The following TRERF1 variants were observed in gnomAD, a reference collection of about 807,000 sequenced individuals.
TRERF1 encodes transcriptional-regulating factor 1.
Under a neutral mutation model 122.9 loss-of-function variants are expected in TRERF1, and 27 were observed. The observed-to-expected ratio is 0.22, with a 90% CI of 0.16 to 0.30. TRERF1 has a LOEUF of 0.30. Ranked by LOEUF, TRERF1 falls within the 10% of genes least tolerant of loss-of-function variation. The pLI is 1.00. For missense variants in TRERF1, 1,248 were observed against 1,560.3 expected, an observed-to-expected ratio of 0.80 and a Z score of 3.37; for synonymous variants, 636 against 641.7, an observed-to-expected ratio of 0.99 and a Z score of 0.13.
chr6:42,265,545 G>A (rs139175263), intron 6 of TRERF1, among the ~76,000 whole-genome samples: 4 of 152,238 alleles, frequency 2.6e-5, no homozygotes, highest in Admixed American at 2.0e-4. Context: ...TAGGCACATC[G>A]TAATCACACC....
At chr6:42,335,596 C>A (rs1482605413) in intron 3 of TRERF1, among the ~76,000 whole-genome samples, 1 of 152,128 alleles carries the variant, frequency 6.6e-6, no homozygotes, top group African/African-American at 2.4e-5. Context: ...AACATGAGTG[C>A]GGATGGGGCG....
chr6:42,248,359 T>C (rs1385001804), intron 13 of TRERF1, among the ~76,000 whole-genome samples: 2 of 115,968 alleles, frequency 1.7e-5, no homozygotes, highest in African/African-American at 7.7e-5. Flanking sequence ...ATCTTTTTCT[T>C]TTTTTTTTTT....
Position 42,228,584 on chromosome 6 carries a change from C to T in TRERF1, c.3364G>A (p.Ala1122Thr). ...GCTGCCATCTCAGCTGCAAAAGCCGCCTTCTGAGCCTTTTGCCTCTGTTGT... is the reference window on the plus strand; with the variant it reads ...GCTGCCATCTCAGCTGCAAAAGCCGTCTTCTGAGCCTTTTGCCTCTGTTGT... Residue 1122 changes from alanine to threonine, a missense_variant, in exon 18 of 18, where the codon GCG becomes ACG. Ala to Thr is a moderately conservative substitution (Grantham distance 58, BLOSUM62 0). Around this residue, in one of 5 missense-constraint regions of TRERF1, gnomAD observed 84 missense variants for 116.0 expected, o/e 0.72. Coordinates refer to ENST00000372922, the Ensembl canonical transcript of TRERF1. This position sits in a 1 kb window ranked among gnomAD's most constrained non-coding sequence, Gnocchi z 4.2. The T allele has an allele frequency of 6.2e-7, 1 of 1,614,216 alleles. No individual in the cohort carries two copies. The highest frequency in any genetic ancestry group is 8.5e-7 in the Non-Finnish European group (1 of 1,180,044).
intron 4 of TRERF1, among the ~76,000 whole-genome samples, chr6:42,289,113 C>T (rs559076240): frequency 1.3e-5 from 2 of 152,008 alleles, no homozygotes; most frequent in East Asian, 3.9e-4. Flanking sequence ...CATTTGAGGT[C>T]GAGAGTTCAA....
At chr6:42,247,755 C>T (rs1775060447) in intron 13 of TRERF1, among the ~76,000 whole-genome samples, 1 of 152,184 alleles carries the variant, frequency 6.6e-6, no homozygotes, top group South Asian at 2.1e-4. Flanking sequence ...ACTCCTATTT[C>T]TGGAGGCTCT....
intron 2 of TRERF1, among the ~76,000 whole-genome samples, chr6:42,364,524 T>A (rs879874046): frequency 6.6e-6 from 1 of 152,220 alleles, no homozygotes; most frequent in African/African-American, 2.4e-5. Context: ...AGACTTTGTA[T>A]GATGGAATCA....
At chr6:42,322,961 AG>A (rs1010293992) in intron 3 of TRERF1, among the ~76,000 whole-genome samples, 4 of 152,054 alleles carry the variant, frequency 2.6e-5, no homozygotes, top group African/African-American at 9.7e-5. Flanking sequence ...AGGCCACAGC[AG>A]GGCAGAGAAT....
chr6:42,250,827 G>C (rs1361449486), intron 13 of TRERF1, among the ~76,000 whole-genome samples: 1 of 152,126 alleles, frequency 6.6e-6, no homozygotes, highest in African/African-American at 2.4e-5. Context: ...CGGTTGCTGG[G>C]AAACAGGCTC....
chr6:42,259,841 C>T lies in TRERF1; in HGVS notation c.1885-118G>A, dbSNP rs1777508185. On this transcript the variant is annotated intron_variant, in intron 8 of 17. Transcript: ENST00000372922. The surrounding 1 kb of genome is among the most constrained non-coding windows in gnomAD (Gnocchi z 4.9). ...GCAGAGAGCCCTTCTGCTTGACCCC[C>T]CCACCCCCAACGCCCCCACATTCTG... is the stretch of plus-strand genomic sequence containing the variant. The T allele has an allele frequency of 1.4e-6, 2 of 1,422,834 alleles. No homozygotes were observed. Among genetic ancestry groups the T allele is most frequent in the Non-Finnish European group, 1.9e-6 (2 of 1,061,088 alleles). The allele number at this position is 1,422,834 out of a possible 1,614,324, so 88.1% of individuals were successfully genotyped here.
chr6:42,260,013 C>T (rs904983219), intron 8 of TRERF1, among the ~76,000 whole-genome samples: 16 of 152,194 alleles, frequency 1.1e-4, no homozygotes, highest in Non-Finnish European at 1.9e-4. Context: ...TTCTTTATTG[C>T]TTATCACTAC....
At chr6:42,445,353 GACACACACACACACACACAC>G (rs57862861) in intron 2 of TRERF1, among the ~76,000 whole-genome samples, 1 of 86,630 alleles carries the variant, frequency 1.2e-5, no homozygotes, top group African/African-American at 3.3e-5. Context: ...TACACACACA[GACACACACACACACACACAC>G]ACACACACAC....
chr6:42,271,208 T>C (rs1336938005), intron 4 of TRERF1, among the ~76,000 whole-genome samples: 1 of 146,616 alleles, frequency 6.8e-6, no homozygotes, highest in Non-Finnish European at 1.5e-5. Flanking sequence ...AAAAAAGAGG[T>C]TCAATTTCTA....
At chr6:42,349,523 A>C (rs985163259) in intron 3 of TRERF1, among the ~76,000 whole-genome samples, 2 of 152,130 alleles carry the variant, frequency 1.3e-5, no homozygotes, top group African/African-American at 2.4e-5. Flanking sequence ...TGGCTCCATA[A>C]GCTACCCAGT....
At chr6:42,424,521 C>A (rs1020884678) in intron 2 of TRERF1, among the ~76,000 whole-genome samples, 4 of 150,638 alleles carry the variant, frequency 2.7e-5, no homozygotes, top group Admixed American at 2.0e-4. Flanking sequence ...TTCCAAAATC[C>A]AAAAAAAAAT....
intron 2 of TRERF1, among the ~76,000 whole-genome samples, chr6:42,369,152 T>TA (rs1270725580): frequency 4.1e-4 from 62 of 151,944 alleles, no homozygotes; most frequent in Non-Finnish European, 1.5e-4. Flanking sequence ...GGCTGGGATC[T>TA]AAAAAAAACT....
At chr6:42,271,163 T>C (rs2149923163) in intron 4 of TRERF1, among the ~76,000 whole-genome samples, 1 of 143,966 alleles carries the variant, frequency 6.9e-6, no homozygotes, top group East Asian at 2.1e-4. Context: ...CCAGGCTCTG[T>C]GACAAGAGCA....
chr6:42,350,086 T>C (rs900908981), intron 3 of TRERF1, among the ~76,000 whole-genome samples: 1 of 152,116 alleles, frequency 6.6e-6, no homozygotes, highest in African/African-American at 2.4e-5. Flanking sequence ...TCATAAATCA[T>C]TTGGGAGACC....
At chr6:42,298,957 A>C (rs1785565676) in intron 4 of TRERF1, among the ~76,000 whole-genome samples, 1 of 151,958 alleles carries the variant, frequency 6.6e-6, no homozygotes, top group African/African-American at 2.4e-5. Flanking sequence ...AAACGAAACA[A>C]AACAAAAAAC....
At chr6:42,241,514 T>G (rs1423995467) in intron 15 of TRERF1, among the ~76,000 whole-genome samples, 3 of 151,872 alleles carry the variant, frequency 2.0e-5, no homozygotes, top group East Asian at 3.9e-4. Flanking sequence ...CAAGCTGGAG[T>G]GCAATGGTGC....
Sources: allele counts gnomAD v4.1 joint callset (sites outside exome capture counted in the v4.1 genomes callset), GRCh38; gene constraint gnomAD v4.1.1; regional missense constraint gnomAD v4.1.1; non-coding constraint Gnocchi (gnomAD v3.1); transcripts MANE v1.5; gene names NCBI Gene and HGNC (gene_info 2026-07-23, HGNC 2026-07-21).